Variants in PTPRN2 observed in about 807,000 individuals in gnomAD.
PTPRN2 encodes protein tyrosine phosphatase receptor type N2.
A neutral mutation model predicts 118.8 loss-of-function variants in PTPRN2; 74 were observed. That is an observed-to-expected ratio of 0.62 (90% CI 0.52 to 0.76). The LOEUF (loss-of-function observed/expected upper bound fraction) is 0.76. PTPRN2 is among the 30% of genes least tolerant of loss of function. The pLI, the probability that PTPRN2 is intolerant of heterozygous loss-of-function variation, is 0.00. For missense variants in PTPRN2, 1,481 were observed against 1,394.4 expected, an observed-to-expected ratio of 1.06 and a Z score of -0.99; for synonymous variants, 641 against 608.0, an observed-to-expected ratio of 1.05 and a Z score of -0.80.
In PTPRN2 at chr7:157,755,046, C is replaced by T. The variant is rs553396476; in HGVS notation, c.1789-72109G>A. 5.9e-5 allele frequency among the ~76,000 whole-genome samples: 9 copies of T among 152,082 alleles called. No individual in the cohort carries two copies. In the South Asian group the frequency reaches 8.3e-4, roughly 14 times the overall value. On this transcript the variant is annotated intron_variant, in intron 12 of 22. Transcript: ENST00000389418. Reference sequence around the variant, plus strand: ...GACTATGGGTGTGCGCTGCCACGCCCGGCTAATTTTTATAATTTTTGTAGA... The same window carrying T: ...GACTATGGGTGTGCGCTGCCACGCCTGGCTAATTTTTATAATTTTTGTAGA...
chr7:157,937,038 C>A (rs1799753294), intron 11 of PTPRN2, among the ~76,000 whole-genome samples: 1 of 152,234 alleles, frequency 6.6e-6, no homozygotes, highest in Non-Finnish European at 1.5e-5. Flanking sequence ...CGCATGTCAA[C>A]CCCCTTCACT....
At position 157,987,614 on chromosome 7, in the gene PTPRN2, C is replaced by T. The variant is rs373995725; in HGVS notation, c.1724-88877G>A. On this transcript the variant is annotated intron_variant, in intron 11 of 22. Coordinates refer to ENST00000389418, the MANE Select transcript of PTPRN2 (RefSeq NM_002847.5). This position sits in a 1 kb window ranked among gnomAD's most constrained non-coding sequence, Gnocchi z 4.3. ...CTGGATGCTGAATAGCTGGAGGAAG[C>T]GGCCTGCTGGTTTTGTTCACACTGG... Among the ~76,000 whole-genome samples the T allele has an allele frequency of 2.6e-4, 39 of 152,234 alleles. 1 individual carries two copies. The highest frequency in any genetic ancestry group is 8.9e-4 in the African/African-American group (37 of 41,524).
At chr7:157,568,989 G>A in intron 20 of PTPRN2, 23 bp from the exon 21 acceptor site, 1 of 1,539,092 alleles carries the variant, frequency 6.5e-7, no homozygotes, top group Non-Finnish European at 9.0e-7. Context: ...GGAGAGAAAT[G>A]AAAGTGCTGC....
At chr7:157,857,426 C>T (rs1249330475) in intron 12 of PTPRN2, 1 of 152,228 alleles carries the variant, frequency 6.6e-6, no homozygotes, top group Non-Finnish European at 1.5e-5. Flanking sequence ...CTGCGCTCCT[C>T]TCTCTCCGGA....
intron 12 of PTPRN2, among the ~76,000 whole-genome samples, chr7:157,848,635 T>C (rs1237601915): frequency 2.0e-5 from 3 of 152,244 alleles, no homozygotes; most frequent in African/African-American, 2.4e-5. Flanking sequence ...GCCACAGAGC[T>C]TGCCAGGAGT....
At chr7:157,761,194 A>G (rs1053309393) in intron 12 of PTPRN2, among the ~76,000 whole-genome samples, 2 of 152,120 alleles carry the variant, frequency 1.3e-5, no homozygotes, top group African/African-American at 2.4e-5. Flanking sequence ...TATAGATTCA[A>G]TGCCATCCCC....
At chr7:158,342,500 C>G (rs71547518) in intron 2 of PTPRN2, among the ~76,000 whole-genome samples, 1 of 99,496 alleles carries the variant, frequency 1.0e-5, no homozygotes. Context: ...CACTCAAACC[C>G]ACACTCTCAC....
intron 6 of PTPRN2, among the ~76,000 whole-genome samples, chr7:158,166,230 C>G (rs7804408): frequency 0.47 from 28,215 of 60,596 alleles, 8,670 homozygotes; most frequent in East Asian, 0.69. Context: ...ACTGTCCTCA[C>G]ACCCTCAGGA....
chr7:157,753,290 T>C (rs1801591055), intron 12 of PTPRN2, among the ~76,000 whole-genome samples: 1 of 152,154 alleles, frequency 6.6e-6, no homozygotes, highest in South Asian at 2.1e-4. Context: ...CGATGCCCAC[T>C]GGACCCCACA....
At chr7:158,297,997 T>C (rs528354126) in intron 3 of PTPRN2, among the ~76,000 whole-genome samples, 2 of 152,354 alleles carry the variant, frequency 1.3e-5, no homozygotes, top group Admixed American at 1.3e-4. Flanking sequence ...TCTAATTGCC[T>C]TTTCAAATTT....
At chr7:158,226,438 G>A (rs570227598) in intron 3 of PTPRN2, among the ~76,000 whole-genome samples, 2 of 152,298 alleles carry the variant, frequency 1.3e-5, no homozygotes, top group South Asian at 2.1e-4. Flanking sequence ...TGGGGACGAC[G>A]TTTGTTTCTT....
intron 12 of PTPRN2, among the ~76,000 whole-genome samples, chr7:157,728,593 T>C (rs1799725191): frequency 6.6e-6 from 1 of 152,236 alleles, no homozygotes; most frequent in Non-Finnish European, 1.5e-5. Context: ...CACTCTTAAC[T>C]TATCCACAGA....
At chr7:158,330,560 C>T (rs1302961607) in intron 2 of PTPRN2, among the ~76,000 whole-genome samples, 4 of 48,178 alleles carry the variant, frequency 8.3e-5, no homozygotes, top group East Asian at 5.7e-4. Flanking sequence ...GTCACTCACA[C>T]CCACACTCTC....
At chr7:157,670,143 T>G (rs2150777935) in intron 13 of PTPRN2, among the ~76,000 whole-genome samples, 1 of 152,280 alleles carries the variant, frequency 6.6e-6, no homozygotes, top group Admixed American at 6.5e-5. Context: ...CAGCTGCGGC[T>G]TCCTGCTCTG....
At chr7:158,448,592 G>A (rs568655941) in intron 2 of PTPRN2, among the ~76,000 whole-genome samples, 15 of 152,334 alleles carry the variant, frequency 9.8e-5, no homozygotes, top group East Asian at 1.9e-4. Flanking sequence ...CGGGAGGGCC[G>A]TAGCATGAGG....
chr7:158,436,481 TTC>T (rs1442898616), intron 2 of PTPRN2, among the ~76,000 whole-genome samples: 1 of 2,684 alleles, frequency 3.7e-4, no homozygotes, highest in Non-Finnish European at 9.2e-4. Context: ...GTCTCTCGAG[TTC>T]TGTCTGTCTT....
chr7:157,939,849 C>T (rs904874047), intron 11 of PTPRN2, among the ~76,000 whole-genome samples: 16 of 152,192 alleles, frequency 1.1e-4, no homozygotes, highest in Admixed American at 5.2e-4. Flanking sequence ...TATGTGTCTA[C>T]AAATGCCACA....
intron 2 of PTPRN2, among the ~76,000 whole-genome samples, chr7:158,341,746 A>ATG (rs1806856307): frequency 2.9e-5 from 2 of 68,928 alleles, no homozygotes; most frequent in African/African-American, 1.1e-4. Flanking sequence ...CGTCACTCAC[A>ATG]CCGACACTCT....
intron 1 of PTPRN2, among the ~76,000 whole-genome samples, chr7:158,552,374 A>T (rs1826718026): frequency 6.6e-6 from 1 of 152,266 alleles, no homozygotes; most frequent in African/African-American, 2.4e-5. Flanking sequence ...TCAGCCTGAG[A>T]AGATCAGTGA....
Sources: allele counts gnomAD v4.1 joint callset (sites outside exome capture counted in the v4.1 genomes callset), GRCh38; gene constraint gnomAD v4.1.1; non-coding constraint Gnocchi (gnomAD v3.1); transcripts MANE v1.5; gene names NCBI Gene and HGNC (gene_info 2026-07-23, HGNC 2026-07-21).